GRK7: variants seen among roughly 807,000 people sequenced by gnomAD.
GRK7 encodes the protein rhodopsin kinase GRK7.
Under a neutral mutation model 34.1 loss-of-function variants are expected in GRK7, and 24 were observed. That is an observed-to-expected ratio of 0.70 (90% confidence interval 0.51 to 0.99). The LOEUF (loss-of-function observed/expected upper bound fraction) is 0.99. Ranked by LOEUF, GRK7 falls within the 50% of genes least tolerant of loss-of-function variation. The probability of loss-of-function intolerance (pLI) is 0.00; values close to 1 mark genes in which losing one functional copy is unlikely to be tolerated. For synonymous variants in GRK7, 256 were observed against 279.4 expected (o/e 0.92, Z 0.84); for missense variants, 644 against 707.3 (o/e 0.91, Z 1.02).
chr3:141,780,655 C>G lies in GRK7; in HGVS notation c.894C>G (p.Ala298=). 13 of 1,614,172 alleles carry G rather than the reference C, an allele frequency of 8.1e-6. No homozygotes were observed. Among genetic ancestry groups the G allele is most frequent in the Admixed American group, 1.7e-5 (1 of 60,024 alleles). Residue 298 remains alanine, a synonymous_variant, in exon 4 of 6, where the codon GCC becomes GCG. Transcript: ENST00000682958. The part of the protein sequence containing the change: ...LDMSRVIFYS[A]QIACGMLHLH... ...TGAGCCGGGTGATCTTTTACTCGGCCCAGATAGCCTGTGGGATGCTGCACC... is the reference window on the plus strand; with the variant it reads ...TGAGCCGGGTGATCTTTTACTCGGCGCAGATAGCCTGTGGGATGCTGCACC...
chr3:141,792,448 T>G (rs2084729094), intron 4 of GRK7, among the ~76,000 whole-genome samples: 1 of 150,456 alleles, frequency 6.6e-6, no homozygotes, highest in Admixed American at 6.6e-5. Flanking sequence ...CAAATAAGTA[T>G]TAAATATCAC....
chr3:141,775,396 T>TA (rs936087318), intron 2 of GRK7, among the ~76,000 whole-genome samples: 3 of 150,604 alleles, frequency 2.0e-5, no homozygotes, highest in Admixed American at 6.6e-5. Context: ...AGACCCTGTC[T>TA]AAAAAAAAAG....
intron 5 of GRK7, among the ~76,000 whole-genome samples, chr3:141,815,935 C>T (rs1711147940): frequency 6.6e-6 from 1 of 152,100 alleles, no homozygotes; most frequent in African/African-American, 2.4e-5. Flanking sequence ...GACAGAGACA[C>T]CCAGTTAAGC....
intron 4 of GRK7, among the ~76,000 whole-genome samples, chr3:141,796,273 C>T (rs1490530927): frequency 6.6e-6 from 1 of 152,206 alleles, no homozygotes; most frequent in African/African-American, 2.4e-5. Context: ...GGGTTGGCCA[C>T]AGCCCTGCAC....
At chr3:141,775,466 A>C (rs534965813) in intron 2 of GRK7, among the ~76,000 whole-genome samples, 1 of 152,324 alleles carries the variant, frequency 6.6e-6, no homozygotes, top group Admixed American at 6.5e-5. Context: ...AAAACAGATG[A>C]TAAGAAAAAC....
chr3:141,777,342 T>TTTTTTTTTTTTTTTTTTTTG (rs1577912931), intron 2 of GRK7, among the ~76,000 whole-genome samples: 1 of 123,882 alleles, frequency 8.1e-6, no homozygotes, highest in Non-Finnish European at 1.7e-5. Flanking sequence ...TTTTTTTTTT[T>TTTTTTTTTTTTTTTTTTTTG]GAGACGGAGT....
chr3:141,766,895 C>T (rs1253229246), intron 1 of GRK7, among the ~76,000 whole-genome samples: 1 of 152,200 alleles, frequency 6.6e-6, no homozygotes, highest in Non-Finnish European at 1.5e-5. Flanking sequence ...AATTCATTTC[C>T]AAATGGAATC....
chr3:141,795,789 A>G (rs1291963577), intron 4 of GRK7, among the ~76,000 whole-genome samples: 1 of 152,098 alleles, frequency 6.6e-6, no homozygotes, highest in Non-Finnish European at 1.5e-5. Flanking sequence ...AAAAAAAAAA[A>G]ATAGCCTTGG....
chr3:141,758,951 CTGTT>C (rs1274199930), upstream of GRK7, among the ~76,000 whole-genome samples: 2 of 143,218 alleles, frequency 1.4e-5, no homozygotes, highest in East Asian at 2.1e-4. Context: ...ATTTGGCTCT[CTGTT>C]TGTCTGTTGT....
At chr3:141,804,860 C>G (rs572634573) in intron 4 of GRK7, among the ~76,000 whole-genome samples, 7 of 151,864 alleles carry the variant, frequency 4.6e-5, no homozygotes, top group East Asian at 1.9e-4. Context: ...CATACACGCT[C>G]TCATACACAT....
intron 2 of GRK7, among the ~76,000 whole-genome samples, chr3:141,777,522 G>C (rs1164797366): frequency 1.8e-5 from 1 of 55,860 alleles, no homozygotes; most frequent in Non-Finnish European, 3.5e-5. Context: ...TTTTTTAGTA[G>C]AGACGGGGTT....
chr3:141,763,425 C>G lies in GRK7; in HGVS notation c.-2528C>G, dbSNP rs1165526270. ...TGCTGTAGCTTCCACCCTTAGCTCTCAAACCCACTAACTAACCCAGCAAAG... is the reference window on the plus strand; with the variant it reads ...TGCTGTAGCTTCCACCCTTAGCTCTGAAACCCACTAACTAACCCAGCAAAG... On this transcript the variant is annotated 5_prime_UTR_variant, in exon 1 of 6. Coordinates refer to ENST00000682958, the MANE Select transcript of GRK7 (RefSeq NM_139209.3). Among the ~76,000 whole-genome samples the G allele has an allele frequency of 6.6e-6, 1 of 152,186 alleles. No homozygotes were observed. The highest frequency in any genetic ancestry group is 1.5e-5 in the Non-Finnish European group (1 of 68,034).
At position 141,818,913 on chromosome 3, in the gene GRK7, C is replaced by T. The variant is rs977779439; in HGVS notation, c.*1863C>T. Reference sequence around the variant, plus strand: ...AGAAGCCCTCTGAGAGTTGAGGCCTCGGCCGGTGCACCTGCGGCTCACTTT... The same window carrying T: ...AGAAGCCCTCTGAGAGTTGAGGCCTTGGCCGGTGCACCTGCGGCTCACTTT... On this transcript the variant is annotated 3_prime_UTR_variant, in exon 6 of 6. Transcript: ENST00000682958. 1.1e-4 allele frequency among the ~76,000 whole-genome samples: 17 copies of T among 152,346 alleles called. No individual in the cohort carries two copies. The highest frequency in any genetic ancestry group is 2.1e-4 in the South Asian group (1 of 4,826).
chr3:141,804,110 C>G (rs1474394937), intron 4 of GRK7, among the ~76,000 whole-genome samples: 1 of 152,186 alleles, frequency 6.6e-6, no homozygotes, highest in Non-Finnish European at 1.5e-5. Context: ...CCTCTCTATC[C>G]ATCCATGTAA....
intron 4 of GRK7, among the ~76,000 whole-genome samples, chr3:141,785,407 C>T (rs950880792): frequency 6.6e-6 from 1 of 152,144 alleles, no homozygotes; most frequent in African/African-American, 2.4e-5. Context: ...AATCCCAGCA[C>T]TTTGGGCCCA....
At chr3:141,779,978 G>A (rs1040978199) in intron 3 of GRK7, among the ~76,000 whole-genome samples, 1 of 152,202 alleles carries the variant, frequency 6.6e-6, no homozygotes, top group Non-Finnish European at 1.5e-5. Context: ...TGCTATTCAT[G>A]CACAAGTATT....
rs1533501 is a variant in GRK7, at chr3:141,778,308, C to T, written c.24C>T (p.Asp8=). The change falls in exon 3 of 6, where the codon GAC becomes GAT. Residue 8 remains aspartate (D), a synonymous_variant. Coordinates refer to ENST00000682958, the MANE Select transcript of GRK7 (RefSeq NM_139209.3). This position sits in a 1 kb window ranked among gnomAD's most constrained non-coding sequence, Gnocchi z 4.1. ...CCATGGTGGACATGGGGGCCCTGGACAACCTGATCGCCAACACCGCCTACC... is the reference window on the plus strand; with the variant it reads ...CCATGGTGGACATGGGGGCCCTGGATAACCTGATCGCCAACACCGCCTACC... MVDMGAL[D]NLIANTAYLQ... 0.044 allele frequency: 70,034 copies of T among 1,585,156 alleles called. 1,730 individuals are homozygous for T. The highest frequency in any genetic ancestry group is 0.079 in the South Asian group (6,850 of 86,740).
At chr3:141,794,295 T>C (rs928863014) in intron 4 of GRK7, among the ~76,000 whole-genome samples, 12 of 152,118 alleles carry the variant, frequency 7.9e-5, no homozygotes, top group Admixed American at 5.2e-4. Flanking sequence ...CCATGGGCAC[T>C]GGAAACTGGC....
chr3:141,756,928 G>C, the GRK7 span, among the ~76,000 whole-genome samples: 1 of 151,992 alleles, frequency 6.6e-6, no homozygotes, highest in African/African-American at 2.4e-5. Flanking sequence ...AAACTCAGAA[G>C]AAAAAAGTAA....
Sources: gnomAD v4.1 joint callset for allele counts (sites outside exome capture counted in the v4.1 genomes callset) on GRCh38, gnomAD v4.1.1 for gene constraint, Gnocchi (gnomAD v3.1) non-coding constraint, MANE v1.5 for transcripts, NCBI Gene and HGNC (gene_info 2026-07-23, HGNC 2026-07-21) for gene names.